CLIP2: variants seen among roughly 807,000 people sequenced by gnomAD.
CLIP2 encodes the protein CAP-Gly domain-containing linker protein 2.
In CLIP2, 41 loss-of-function variants were observed where a neutral mutation model predicts 111.7. The observed-to-expected ratio is 0.37, with a 90% CI of 0.29 to 0.48. The LOEUF (loss-of-function observed/expected upper bound fraction) is 0.48. CLIP2 is among the 20% of genes least tolerant of loss of function. CLIP2 has a pLI of 0.99. For missense variants in CLIP2, 1,160 were observed against 1,422.1 expected (o/e 0.82, Z 2.96); for synonymous variants, 660 against 644.2 (o/e 1.02, Z -0.37).
At chr7:74,387,768 C>T (rs1208476535) in intron 12 of CLIP2, among the ~76,000 whole-genome samples, 1 of 152,200 alleles carries the variant, frequency 6.6e-6, no homozygotes, top group Non-Finnish European at 1.5e-5. Flanking sequence ...TGTGATATCG[C>T]TCCCCACACC....
intron 3 of CLIP2, among the ~76,000 whole-genome samples, chr7:74,339,247 C>T (rs1212067570): frequency 2.0e-5 from 3 of 151,920 alleles, no homozygotes; most frequent in African/African-American, 2.4e-5. Context: ...ACTTTCTGGG[C>T]CTCGCTCTTT....
chr7:74,397,245 A>G lies in CLIP2; in HGVS notation c.2880+12A>G, dbSNP rs1791481228. ...AGCTGACCGGGCTGGTATGTGGGGT[A>G]GGGGTGGCCTAGGGGCAGGGGCACT... On this transcript the variant is annotated intron_variant, in intron 14 of 16. Coordinates refer to ENST00000223398, the MANE Select transcript of CLIP2 (RefSeq NM_003388.5). 6.6e-7 allele frequency: 1 copy of G among 1,516,978 alleles called. No individual in the cohort carries two copies. The allele number at this position is 1,516,978 out of a possible 1,614,324, so 94.0% of individuals were successfully genotyped here.
At chr7:74,396,818 G>A (rs1218805635) in intron 13 of CLIP2, among the ~76,000 whole-genome samples, 4 of 152,130 alleles carry the variant, frequency 2.6e-5, no homozygotes, top group African/African-American at 9.7e-5. Context: ...ACTGTGCTCT[G>A]CACTCCCCCC....
chr7:74,303,651 C>T (rs1427869378), intron 1 of CLIP2, among the ~76,000 whole-genome samples: 1 of 149,656 alleles, frequency 6.7e-6, no homozygotes, highest in Non-Finnish European at 1.5e-5. Flanking sequence ...GTGGCTCACG[C>T]CTGTAATTCC....
chr7:74,312,913 C>T (rs6964387), intron 1 of CLIP2, among the ~76,000 whole-genome samples: 12,832 of 152,114 alleles, frequency 0.084, 1,083 homozygotes, highest in East Asian at 0.26. Flanking sequence ...ATTGCTGACT[C>T]ATCGGATGCC....
At chr7:74,395,409 G>A (rs1456475143) in intron 13 of CLIP2, among the ~76,000 whole-genome samples, 1 of 151,900 alleles carries the variant, frequency 6.6e-6, no homozygotes, top group African/African-American at 2.4e-5. Context: ...TGCCCGCCTT[G>A]GCCTCCCAAA....
chr7:74,295,231 G>A (rs1554725907), intron 1 of CLIP2, among the ~76,000 whole-genome samples: 2 of 152,164 alleles, frequency 1.3e-5, no homozygotes, highest in South Asian at 2.1e-4. Context: ...CAAAGTGCTA[G>A]GATTATAGGT....
chr7:74,352,924 A>T (rs1347540244), intron 3 of CLIP2, among the ~76,000 whole-genome samples: 1 of 152,036 alleles, frequency 6.6e-6, no homozygotes, highest in African/African-American at 2.4e-5. Flanking sequence ...AGGCAGGAGG[A>T]TTGCTTGAGA....
At chr7:74,309,060 A>G (rs903784551) in intron 1 of CLIP2, among the ~76,000 whole-genome samples, 5 of 151,116 alleles carry the variant, frequency 3.3e-5, no homozygotes, top group Admixed American at 6.6e-5. Flanking sequence ...GTAGAGATAG[A>G]TTTTCGCCAT....
intron 7 of CLIP2, 67 bp downstream of exon 7, chr7:74,360,345 T>A: frequency 7.9e-7 from 1 of 1,261,420 alleles, no homozygotes; most frequent in South Asian, 1.3e-5. Context: ...GAGGGCAGGC[T>A]TGGGAATAGC....
At chr7:74,379,230 G>A (rs1311451785) in intron 10 of CLIP2, among the ~76,000 whole-genome samples, 4 of 151,844 alleles carry the variant, frequency 2.6e-5, no homozygotes, top group African/African-American at 9.7e-5. Flanking sequence ...TCAGGAGGCT[G>A]AGGCACAAGG....
intron 13 of CLIP2, among the ~76,000 whole-genome samples, chr7:74,392,141 GGAGATC>G (rs1554315951): frequency 2.0e-5 from 3 of 151,802 alleles, no homozygotes; most frequent in Non-Finnish European, 4.4e-5. Context: ...CACGAGGTCA[GGAGATC>G]GAGACCATCC....
chr7:74,402,942 G>A (rs553236058), intron 16 of CLIP2, among the ~76,000 whole-genome samples: 1 of 152,208 alleles, frequency 6.6e-6, no homozygotes, highest in Non-Finnish European at 1.5e-5. Context: ...CAGGTGCAGT[G>A]GCTCACACCT....
intron 8 of CLIP2, among the ~76,000 whole-genome samples, chr7:74,367,480 A>G (rs934042815): frequency 3.3e-5 from 5 of 152,280 alleles, no homozygotes; most frequent in Middle Eastern, 3.4e-3. Context: ...GTGAGCCACC[A>G]TGCCTGGCCT....
intron 10 of CLIP2, among the ~76,000 whole-genome samples, chr7:74,378,374 C>T (rs570896336): frequency 1.3e-5 from 2 of 152,016 alleles, no homozygotes; most frequent in African/African-American, 2.4e-5. Context: ...GCTGTCTGCC[C>T]GCCTTTGCCT....
chr7:74,329,087 G>GGT (rs1789202996), intron 2 of CLIP2, among the ~76,000 whole-genome samples: 1 of 111,076 alleles, frequency 9.0e-6, no homozygotes, highest in African/African-American at 3.4e-5. Context: ...TTTTTTTTTG[G>GGT]TTTTTTTTTT....
At chr7:74,380,771 G>T (rs1554313759) in intron 10 of CLIP2, 35 bp from the exon 11 acceptor site, 2 of 1,577,946 alleles carry the variant, frequency 1.3e-6, no homozygotes, top group Admixed American at 3.4e-5. Context: ...AAGGGGCAGA[G>T]GTGAGCATCC....
At chr7:74,346,612 C>T (rs1484162480) in intron 3 of CLIP2, among the ~76,000 whole-genome samples, 1 of 151,574 alleles carries the variant, frequency 6.6e-6, no homozygotes, top group Non-Finnish European at 1.5e-5. Context: ...AATCCAAGCT[C>T]CTCAGGTGGC....
chr7:74,400,239 C>T, intron 14 of CLIP2, 131 bp from the exon 15 acceptor site: 1 of 740,366 alleles, frequency 1.4e-6, no homozygotes, highest in South Asian at 2.1e-5. Flanking sequence ...GCCTGAGGGA[C>T]CTCTGGGTGA....
Sources: gnomAD v4.1 joint callset for allele counts (sites outside exome capture counted in the v4.1 genomes callset) on GRCh38, gnomAD v4.1.1 for gene constraint, MANE v1.5 for transcripts, NCBI Gene and HGNC (gene_info 2026-07-23, HGNC 2026-07-21) for gene names.